The following GGTA1 variants were observed in gnomAD, a reference collection of about 807,000 sequenced individuals.
GGTA1 encodes the protein glycoprotein alpha-galactosyltransferase 1 (inactive), also known as inactive N-acetyllactosaminide alpha-1,3-galactosyltransferase.
GGTA1 carries 5 observed loss-of-function variants against 2.6 expected under a neutral mutation model. That is an observed-to-expected ratio of 1.92 (90% CI 1.00 to 4.04). The LOEUF (loss-of-function observed/expected upper bound fraction) is 4.04, where lower values mean the gene tolerates loss of function less well. Among genes scored for constraint, GGTA1 ranks in the 30% most tolerant of loss-of-function variants. GGTA1 has a pLI of 0.00. For synonymous variants in GGTA1, 17 were observed against 5.0 expected, an observed-to-expected ratio of 3.38 and a Z score of -3.19; for missense variants, 50 against 16.7, an observed-to-expected ratio of 2.99 and a Z score of -3.47.
intron 1 of GGTA1, among the ~76,000 whole-genome samples, chr9:121,478,741 G>T (rs1828570192): frequency 6.6e-6 from 1 of 152,192 alleles, no homozygotes. Context: ...CAAATGGAAC[G>T]ACCTGTTCTC....
intron 1 of GGTA1, among the ~76,000 whole-genome samples, chr9:121,472,706 T>A (rs1300480895): frequency 6.6e-6 from 1 of 152,166 alleles, no homozygotes; most frequent in African/African-American, 2.4e-5. Context: ...ACCCCCTATG[T>A]GTGCCGAGGA....
intron 3 of GGTA1, 79 bp downstream of exon 3, chr9:121,463,214 G>C (rs941677730): frequency 2.3e-6 from 1 of 439,750 alleles, no homozygotes. Context: ...GCTGGCTGCC[G>C]TGTGAAGAAT....
At chr9:121,470,595 A>G (rs1363377083) in intron 1 of GGTA1, among the ~76,000 whole-genome samples, 2 of 152,270 alleles carry the variant, frequency 1.3e-5, no homozygotes, top group Non-Finnish European at 2.9e-5. Context: ...TCTTTGCAAA[A>G]TTATAACTAA....
exon 8 of GGTA1, chr9:121,445,655 A>T (rs2064848924): frequency 6.6e-6 from 1 of 152,258 alleles, no homozygotes; most frequent in Non-Finnish European, 1.5e-5. Flanking sequence ...CTGTTCAGTC[A>T]TGATAACTAG....
At chr9:121,453,779 T>C (rs10739597), downstream of GGTA1, among the ~76,000 whole-genome samples, 143,201 of 152,258 alleles carry the variant, frequency 0.94, 67,700 homozygotes, top group Non-Finnish European at 0.99. Context: ...TTTCACAGAA[T>C]CGCCCTACCC....
chr9:121,479,319 G>A, intron 1 of GGTA1: 1 of 358,578 alleles, frequency 2.8e-6, no homozygotes, highest in East Asian at 7.5e-5. Context: ...GAAAGGGAAG[G>A]TGCTGGTTTC....
rs144085997 is a variant in GGTA1 at position 121,484,510 on chromosome 9, C to A, written c.-10+15140G>T. On this transcript the variant is annotated intron_variant, in intron 1 of 5. Transcript: ENST00000481799. ...TGTTGGTCAGGCTGGTCTCGAACTCCTGACCTCAGGTGATCCACCTGCCTC... is the reference window on the plus strand; with the variant it reads ...TGTTGGTCAGGCTGGTCTCGAACTCATGACCTCAGGTGATCCACCTGCCTC... Among the ~76,000 whole-genome samples, 1,265 of 152,266 alleles carry A rather than the reference C, an allele frequency of 8.3e-3. 17 individuals carry two copies. The highest frequency in any genetic ancestry group is 0.029 in the African/African-American group (1,203 of 41,546).
intron 1 of GGTA1, among the ~76,000 whole-genome samples, chr9:121,495,829 C>T (rs1277386500): frequency 1.3e-5 from 2 of 152,210 alleles, no homozygotes; most frequent in African/African-American, 4.8e-5. Flanking sequence ...TGATGGAAAG[C>T]CACCATAAGA....
intron 1 of GGTA1, among the ~76,000 whole-genome samples, chr9:121,478,570 A>G (rs1564655620): frequency 6.6e-6 from 1 of 152,156 alleles, no homozygotes; most frequent in African/African-American, 2.4e-5. Context: ...GGGTCTTACA[A>G]GGAAATGCTT....
rs147107316 is a variant in GGTA1, at chr9:121,447,867, C to G, written c.*119-270G>C. Among the ~76,000 whole-genome samples, 23 of 152,312 alleles carry G rather than the reference C, an allele frequency of 1.5e-4. No homozygotes were observed. The East Asian group carries it at 4.4e-3, about 29-fold the overall frequency. ...TCCGTGGGGAGCTGGAATGACTTAT[C>G]TCACTGCCAATTTTGGAAGAGCAAC... On this transcript the variant is annotated intron_variant and NMD_transcript_variant, in intron 7 of 7. Coordinates refer to the GGTA1 transcript ENST00000481534.
chr9:121,478,903 T>A (rs1326102747), intron 1 of GGTA1, among the ~76,000 whole-genome samples: 2 of 151,964 alleles, frequency 1.3e-5, no homozygotes, highest in South Asian at 2.1e-4. Flanking sequence ...TGCTACACAA[T>A]TCTGAGAGGG....
intron 1 of GGTA1, among the ~76,000 whole-genome samples, chr9:121,490,896 A>G (rs954348229): frequency 3.9e-5 from 6 of 152,184 alleles, no homozygotes; most frequent in African/African-American, 1.4e-4. Context: ...TACTCAATGT[A>G]GCTGCCCCAA....
chr9:121,482,345 G>A (rs776417851), intron 1 of GGTA1, among the ~76,000 whole-genome samples: 3 of 152,286 alleles, frequency 2.0e-5, no homozygotes, highest in African/African-American at 4.8e-5. Flanking sequence ...GCATGTGCCT[G>A]TAGTCCAGCT....
chr9:121,487,298 G>T (rs868802715), intron 1 of GGTA1, among the ~76,000 whole-genome samples: 2 of 149,994 alleles, frequency 1.3e-5, no homozygotes, highest in Middle Eastern at 3.4e-3. Flanking sequence ...TGAGGCTCAG[G>T]CTGCGCGCGG....
chr9:121,471,261 C>A (rs867745695), intron 1 of GGTA1, among the ~76,000 whole-genome samples: 1 of 152,182 alleles, frequency 6.6e-6, no homozygotes, highest in Non-Finnish European at 1.5e-5. Flanking sequence ...TGGGCTCCCC[C>A]TGTCTATTCA....
chr9:121,465,439 G>A (rs752430103), intron 2 of GGTA1, among the ~76,000 whole-genome samples: 5 of 152,192 alleles, frequency 3.3e-5, no homozygotes, highest in Non-Finnish European at 7.3e-5. Context: ...TGACTGTTAC[G>A]AAGTGAATGT....
At chr9:121,496,495 C>A (rs562552271) in intron 1 of GGTA1, among the ~76,000 whole-genome samples, 8 of 152,038 alleles carry the variant, frequency 5.3e-5, no homozygotes, top group African/African-American at 1.9e-4. Context: ...TTTTGGGAGG[C>A]TGAGGTGGTC....
chr9:121,467,342 T>A (rs1005449109), intron 2 of GGTA1, among the ~76,000 whole-genome samples: 7 of 150,840 alleles, frequency 4.6e-5, no homozygotes, highest in African/African-American at 1.2e-4. Flanking sequence ...CCACACACAC[T>A]CTCTCTCTCT....
intron 1 of GGTA1, among the ~76,000 whole-genome samples, chr9:121,471,390 A>G (rs139551288): frequency 1.1e-4 from 17 of 152,324 alleles, no homozygotes; most frequent in African/African-American, 3.4e-4. Flanking sequence ...CCTCACATAG[A>G]GTACACGAGG....
Sources: allele counts gnomAD v4.1 joint callset (sites outside exome capture counted in the v4.1 genomes callset), GRCh38; gene constraint gnomAD v4.1.1; transcripts MANE v1.5; gene names NCBI Gene and HGNC (gene_info 2026-07-23, HGNC 2026-07-21).